Variants in NR1D2 observed in about 807,000 individuals in gnomAD.
NR1D2 encodes nuclear receptor subfamily 1 group D member 2, also known as V-erbA-related protein 1-related.
In NR1D2, 25 loss-of-function variants were observed where a neutral mutation model predicts 52.2. That is an observed-to-expected ratio of 0.48 (90% confidence interval 0.35 to 0.67). The LOEUF (loss-of-function observed/expected upper bound fraction) is 0.67, where lower values mean the gene tolerates loss of function less well. Among genes scored for constraint, NR1D2 ranks in the 30% least tolerant of loss-of-function variants. NR1D2 has a pLI of 0.01. For synonymous variants in NR1D2, 259 were observed against 230.1 expected, an observed-to-expected ratio of 1.13 and a Z score of -1.14; for missense variants, 681 against 707.2, an observed-to-expected ratio of 0.96 and a Z score of 0.42.
chr3:23,959,317 T>A (rs565248724), intron 3 of NR1D2, among the ~76,000 whole-genome samples: 90 of 151,784 alleles, frequency 5.9e-4, no homozygotes, highest in African/African-American at 2.1e-3. Flanking sequence ...TTTTGGAATT[T>A]GTAGTGAATA....
In NR1D2 at chr3:23,962,189, C is replaced by T; in HGVS notation, c.730C>T (p.Pro244Ser). 1 of 1,614,142 alleles carries T rather than the reference C, an allele frequency of 6.2e-7. No individual in the cohort carries two copies. The highest frequency in any genetic ancestry group is 1.3e-5 in the African/African-American group (1 of 75,018). Residue 244 changes from proline to serine, a missense_variant, in exon 5 of 8, where the codon CCA becomes TCA. Pro to Ser is a moderately conservative substitution (Grantham distance 74, BLOSUM62 -1). This residue lies in a region of NR1D2 where 475 missense variants were observed against 454.5 expected (regional missense o/e 1.05). Coordinates refer to ENST00000312521, the MANE Select transcript of NR1D2 (RefSeq NM_005126.5). ...EQENIKSSSP[P>S]SSDFAKEEVI... The stretch of plus-strand genomic sequence containing the variant: ...AGAAAACATCAAAAGCTCTTCTCCT[C>T]CATCTTCTGATTTTGCAAAGGAAGA...
At chr3:23,946,715 A>C (rs1354704897) in intron 1 of NR1D2, 1 of 152,228 alleles carries the variant, frequency 6.6e-6, no homozygotes, top group Non-Finnish European at 1.5e-5. Context: ...AATTAAAAAA[A>C]AATTAACCTG....
At chr3:23,976,518 C>T (rs185218415) in intron 7 of NR1D2, among the ~76,000 whole-genome samples, 1 of 152,250 alleles carries the variant, frequency 6.6e-6, no homozygotes, top group East Asian at 1.9e-4. Context: ...AGCTGTTGGA[C>T]TGAGCACCTC....
At chr3:23,968,701 C>G (rs1426189960) in intron 7 of NR1D2, among the ~76,000 whole-genome samples, 1 of 152,162 alleles carries the variant, frequency 6.6e-6, no homozygotes, top group Non-Finnish European at 1.5e-5. Context: ...CCCCTGCCAT[C>G]TTGCATTAAT....
intron 1 of NR1D2, among the ~76,000 whole-genome samples, chr3:23,947,465 C>T (rs1705772991): frequency 6.6e-6 from 1 of 152,212 alleles, no homozygotes; most frequent in African/African-American, 2.4e-5. Context: ...TGGGATGGAG[C>T]ACCCAGAAGT....
At position 23,945,527 on chromosome 3, in the gene NR1D2, G is replaced by GGCA. The variant is rs1173765850; in HGVS notation, c.-52_-51insGCA. ...GCGGCGCTGAGGCGGCGGCGGCGGC[G>GGCA]CTGCCCCCTCTGCGGGAAGCGGGCG... On this transcript the variant is annotated 5_prime_UTR_variant, in exon 1 of 8. Transcript: ENST00000312521. 7.2e-6 allele frequency: 8 copies of GGCA among 1,109,754 alleles called. No homozygotes were observed. The African/African-American group carries it at 1.3e-4, about 19-fold the overall frequency. 68.7% of individuals were successfully genotyped at this position (1,109,754 alleles called of 1,614,324 possible). A position where few individuals can be genotyped will look rare whatever the true frequency, so the allele number is the denominator to read the frequency against.
intron 1 of NR1D2, among the ~76,000 whole-genome samples, chr3:23,948,698 T>C (rs1343092432): frequency 1.3e-5 from 2 of 152,234 alleles, no homozygotes; most frequent in Non-Finnish European, 2.9e-5. Flanking sequence ...CTAAGTAAAT[T>C]GAAGCTAAAT....
intron 1 of NR1D2, among the ~76,000 whole-genome samples, chr3:23,951,909 T>C (rs1303760617): frequency 6.6e-6 from 1 of 152,258 alleles, no homozygotes; most frequent in Non-Finnish European, 1.5e-5. Context: ...ATCTTTCTTC[T>C]TGTGTTTGTA....
Position 23,962,149 on chromosome 3 carries a change from G to A in NR1D2, c.690G>A (p.Lys230=). Residue 230 remains lysine, a synonymous_variant, in exon 5 of 8, where the codon AAG becomes AAA. Coordinates refer to ENST00000312521, the MANE Select transcript of NR1D2 (RefSeq NM_005126.5). Reference sequence around the variant, plus strand: ...CAGCCCAGGAACAGCTGCGACCCAAGCCCCAACTGGAGCAAGAAAACATCA... The same window carrying A: ...CAGCCCAGGAACAGCTGCGACCCAAACCCCAACTGGAGCAAGAAAACATCA... ...ALPAQEQLRP[K]PQLEQENIKS... 1 of 1,614,110 alleles carries A rather than the reference G, an allele frequency of 6.2e-7. No individual in the cohort carries two copies. Among genetic ancestry groups the A allele is most frequent in the South Asian group, 1.1e-5 (1 of 91,072 alleles).
chr3:23,947,792 T>C (rs6773828), intron 1 of NR1D2, among the ~76,000 whole-genome samples: 65,288 of 150,402 alleles, frequency 0.43, 15,929 homozygotes, highest in African/African-American at 0.67. Context: ...CAGTTTCTGC[T>C]ATCTATCAGT....
intron 4 of NR1D2, 31 bp from the exon 5 acceptor site, chr3:23,961,946 T>C: frequency 6.5e-7 from 1 of 1,547,834 alleles, no homozygotes; most frequent in Non-Finnish European, 8.7e-7. Flanking sequence ...TTATTTAGAA[T>C]ATAGACGTTA....
chr3:23,957,723 C>CAA (rs1157597750), intron 3 of NR1D2, among the ~76,000 whole-genome samples: 4 of 127,122 alleles, frequency 3.1e-5, no homozygotes, highest in East Asian at 2.2e-4. Context: ...GATTCCGTCT[C>CAA]AAAAAAAAAA....
chr3:23,977,582 T>C lies in NR1D2; in HGVS notation c.*163T>C, dbSNP rs1172916108. 11 of 442,820 alleles carry C rather than the reference T, an allele frequency of 2.5e-5. 1 individual carries two copies. The East Asian group carries it at 3.7e-4, about 15-fold the overall frequency. 27.4% of individuals were successfully genotyped at this position (442,820 alleles called of 1,614,324 possible). On this transcript the variant is annotated 3_prime_UTR_variant, in exon 8 of 8. Transcript: ENST00000312521. ...TGCAATAGCTGTTCGGATTGAGAAC[T>C]CTTCAGCCATGATTAGACGTTGACT...
chr3:23,962,637 T>C, intron 5 of NR1D2, 32 bp downstream of exon 5: 1 of 1,543,930 alleles, frequency 6.5e-7, no homozygotes, highest in Non-Finnish European at 8.7e-7. Context: ...GCTTACATTG[T>C]ATCAGGGAAA....
At chr3:23,951,773 C>G (rs2125283462) in intron 1 of NR1D2, among the ~76,000 whole-genome samples, 1 of 138,510 alleles carries the variant, frequency 7.2e-6, no homozygotes, top group East Asian at 1.9e-4. Context: ...ATTGCACATT[C>G]CTGAGGATGT....
At chr3:23,964,280 T>G (rs1297201208) in intron 5 of NR1D2, among the ~76,000 whole-genome samples, 1 of 152,056 alleles carries the variant, frequency 6.6e-6, no homozygotes, top group Non-Finnish European at 1.5e-5. Context: ...GGTTTCACCA[T>G]GTTGGCCAGG....
intron 7 of NR1D2, among the ~76,000 whole-genome samples, chr3:23,975,305 G>A (rs867947484): frequency 9.8e-6 from 1 of 101,824 alleles, no homozygotes. Flanking sequence ...TTTTTTTTTT[G>A]TAAAGACAAA....
intron 2 of NR1D2, among the ~76,000 whole-genome samples, chr3:23,955,564 AC>A (rs1433067483): frequency 6.6e-6 from 1 of 152,046 alleles, no homozygotes; most frequent in Non-Finnish European, 1.5e-5. Flanking sequence ...GGTGGCTCAC[AC>A]CTGTAATCCC....
chr3:23,952,541 C>G (rs2125283996), intron 1 of NR1D2, among the ~76,000 whole-genome samples: 1 of 151,440 alleles, frequency 6.6e-6, no homozygotes, highest in Admixed American at 6.6e-5. Context: ...GAAACCCTGT[C>G]TCTACTAAAA....
Sources: gnomAD v4.1 joint callset for allele counts (sites outside exome capture counted in the v4.1 genomes callset) on GRCh38, gnomAD v4.1.1 for gene constraint, gnomAD v4.1.1 regional missense constraint, MANE v1.5 for transcripts, NCBI Gene and HGNC (gene_info 2026-07-23, HGNC 2026-07-21) for gene names.